The following DENND11 variants were observed in gnomAD, a reference collection of about 807,000 sequenced individuals.
The protein encoded by DENND11 is DENN domain containing 11.
A neutral mutation model predicts 49.2 loss-of-function variants in DENND11; 34 were observed. The ratio of observed to expected loss-of-function variants is 0.69; its 90% CI spans 0.53 to 0.92. DENND11 has a LOEUF of 0.92. Ranked by LOEUF, DENND11 falls within the 40% of genes least tolerant of loss-of-function variation. The probability of loss-of-function intolerance (pLI) is 0.00; values close to 1 mark genes in which losing one functional copy is unlikely to be tolerated. For missense variants in DENND11, 475 were observed against 581.6 expected, an observed-to-expected ratio of 0.82 and a Z score of 1.88; for synonymous variants, 238 against 230.3, an observed-to-expected ratio of 1.03 and a Z score of -0.30.
intron 8 of DENND11, 96 bp from the exon 9 acceptor site, chr7:141,662,947 G>T: frequency 1.1e-6 from 1 of 875,524 alleles, no homozygotes; most frequent in Non-Finnish European, 1.7e-6. Flanking sequence ...ATACTGTTTT[G>T]TTTAATGTAC....
intron 4 of DENND11, among the ~76,000 whole-genome samples, chr7:141,668,198 G>A (rs1248551113): frequency 6.6e-6 from 1 of 152,324 alleles, no homozygotes; most frequent in East Asian, 1.9e-4. Context: ...GGAGAAGAAT[G>A]GGGCATGGTG....
In DENND11 at chr7:141,665,267, G is replaced by T; in HGVS notation, c.872C>A (p.Thr291Asn). Reference protein sequence around the residue: ...ANVSLPGIGGTIPESKPFFYV... With the variant: ...ANVSLPGIGGNIPESKPFFYV... Reference sequence around the variant, plus strand: ...GAAGAAAGGTTTGGACTCAGGAATGGTGCCCCCGATGCCAGGCAGTGAAAC... The same window carrying T: ...GAAGAAAGGTTTGGACTCAGGAATGTTGCCCCCGATGCCAGGCAGTGAAAC... Residue 291 changes from threonine to asparagine, a missense_variant, in exon 6 of 9, where the codon ACC becomes AAC. Physicochemically the swap from Thr to Asn is moderately conservative, Grantham distance 65. Coordinates refer to ENST00000536163, the MANE Select transcript of DENND11 (RefSeq NM_001080392.2). The T allele has an allele frequency of 6.2e-7, 1 of 1,613,824 alleles. No individual in the cohort carries two copies. Among genetic ancestry groups the T allele is most frequent in the Non-Finnish European group, 8.5e-7 (1 of 1,179,846 alleles).
At chr7:141,685,932 AG>A in intron 2 of DENND11, among the ~76,000 whole-genome samples, 1 of 152,320 alleles carries the variant, frequency 6.6e-6, no homozygotes, top group African/African-American at 2.4e-5. Flanking sequence ...GGATGGGTGA[AG>A]CAGAACCAAC....
chr7:141,663,120 G>A, intron 8 of DENND11: 1 of 340,542 alleles, frequency 2.9e-6, no homozygotes, highest in Non-Finnish European at 5.3e-6. Context: ...CCTGTTGAGG[G>A]AAGTGACCTG....
rs542459552 is a variant in DENND11, at chr7:141,676,996, G to A, written c.528-2776C>T. 4.6e-5 allele frequency among the ~76,000 whole-genome samples: 7 copies of A among 152,276 alleles called. No homozygotes were observed. In the East Asian group the frequency reaches 9.6e-4, roughly 21 times the overall value. On this transcript the variant is annotated intron_variant, in intron 3 of 8. Transcript: ENST00000536163. ...ACAGCTCCTTCACTGATAAAACACA[G>A]CCATATGTGGCCATGCAGATGCCCA...
intron 1 of DENND11, among the ~76,000 whole-genome samples, chr7:141,693,228 T>C (rs1319975315): frequency 6.6e-6 from 1 of 152,232 alleles, no homozygotes; most frequent in Non-Finnish European, 1.5e-5. Flanking sequence ...TCAAGGAAGA[T>C]ACACAGATGG....
At chr7:141,663,089 T>C (rs989656255) in intron 8 of DENND11, 13 of 391,958 alleles carry the variant, frequency 3.3e-5, no homozygotes, top group Admixed American at 1.8e-4. Flanking sequence ...CTAAGCAAGA[T>C]GGCCTGTCAA....
chr7:141,683,941 T>A (rs1306799964), intron 3 of DENND11, among the ~76,000 whole-genome samples: 1 of 152,200 alleles, frequency 6.6e-6, no homozygotes, highest in Non-Finnish European at 1.5e-5. Context: ...TATTTTTTTA[T>A]TTTTTAAACA....
intron 1 of DENND11, among the ~76,000 whole-genome samples, chr7:141,687,631 A>ACTTTTTTTTTTT (rs1554410465): frequency 1.8e-5 from 2 of 112,822 alleles, no homozygotes; most frequent in African/African-American, 6.6e-5. Context: ...CACTCGGCTA[A>ACTTTTTTTTTTT]TTTTTTTTTT....
chr7:141,690,264 G>A (rs1256574197), intron 1 of DENND11, among the ~76,000 whole-genome samples: 4 of 152,182 alleles, frequency 2.6e-5, no homozygotes, highest in African/African-American at 9.7e-5. Flanking sequence ...CCAGGTGTAT[G>A]TTTAGTTCCA....
intron 3 of DENND11, among the ~76,000 whole-genome samples, chr7:141,675,284 C>A (rs1416620341): frequency 6.6e-6 from 1 of 152,204 alleles, no homozygotes; most frequent in African/African-American, 2.4e-5. Context: ...GGAACGGATT[C>A]TCCTGCATAG....
intron 1 of DENND11, among the ~76,000 whole-genome samples, chr7:141,699,529 G>A (rs1338499335): frequency 6.6e-6 from 1 of 152,118 alleles, no homozygotes; most frequent in African/African-American, 2.4e-5. Flanking sequence ...GGTCAGTAAA[G>A]GACTGCTTTC....
intron 1 of DENND11, among the ~76,000 whole-genome samples, chr7:141,692,998 A>G (rs1422321713): frequency 2.6e-5 from 4 of 152,244 alleles, no homozygotes; most frequent in Non-Finnish European, 5.9e-5. Context: ...TCATGAAGGA[A>G]AAATGGATAT....
chr7:141,674,821 T>A (rs1406806906), intron 3 of DENND11, among the ~76,000 whole-genome samples: 2 of 152,084 alleles, frequency 1.3e-5, no homozygotes, highest in Non-Finnish European at 2.9e-5. Flanking sequence ...CCAGCTCGGG[T>A]CACAGAGCCT....
At chr7:141,669,244 G>T (rs1587205898) in intron 4 of DENND11, among the ~76,000 whole-genome samples, 3 of 133,780 alleles carry the variant, frequency 2.2e-5, no homozygotes, top group South Asian at 2.5e-4. Context: ...CTTCTTTAAA[G>T]TTTTTTTTTT....
chr7:141,687,631 A>ACTTT (rs1554410465), intron 1 of DENND11, among the ~76,000 whole-genome samples: 2 of 112,826 alleles, frequency 1.8e-5, no homozygotes, highest in African/African-American at 6.6e-5. Context: ...CACTCGGCTA[A>ACTTT]TTTTTTTTTT....
chr7:141,695,476 C>G (rs1346038575), intron 1 of DENND11, among the ~76,000 whole-genome samples: 2 of 152,202 alleles, frequency 1.3e-5, no homozygotes, highest in Non-Finnish European at 2.9e-5. Flanking sequence ...AGAAACATTA[C>G]AAATGAAAAC....
At chr7:141,698,316 A>G (rs951650858) in intron 1 of DENND11, among the ~76,000 whole-genome samples, 1 of 152,234 alleles carries the variant, frequency 6.6e-6, no homozygotes, top group African/African-American at 2.4e-5. Context: ...ATAATGAAGT[A>G]AAATTAAAAT....
intron 4 of DENND11, among the ~76,000 whole-genome samples, chr7:141,672,293 C>T (rs1192831523): frequency 1.3e-5 from 2 of 152,222 alleles, no homozygotes; most frequent in Non-Finnish European, 2.9e-5. Flanking sequence ...CAGCCTTATG[C>T]AATCCCCTCT....
Sources: allele counts gnomAD v4.1 joint callset (sites outside exome capture counted in the v4.1 genomes callset), GRCh38; gene constraint gnomAD v4.1.1; transcripts MANE v1.5; gene names NCBI Gene and HGNC (gene_info 2026-07-23, HGNC 2026-07-21).